Variants in ZNF536 observed in about 807,000 individuals in gnomAD.
ZNF536 encodes the protein zinc finger protein 536.
In ZNF536, 13 loss-of-function variants were observed where a neutral mutation model predicts 84.5. That is an observed-to-expected ratio of 0.15 (90% CI 0.10 to 0.24). The LOEUF (loss-of-function observed/expected upper bound fraction) is 0.24. Ranked by LOEUF, ZNF536 falls within the 10% of genes least tolerant of loss-of-function variation. The pLI is 1.00. For missense variants in ZNF536, 1,536 were observed against 1,747.5 expected (o/e 0.88, Z 2.16); for synonymous variants, 811 against 742.5 (o/e 1.09, Z -1.50).
intron 1 of ZNF536, among the ~76,000 whole-genome samples, chr19:30,251,782 C>T (rs1162694553): frequency 1.3e-5 from 2 of 152,142 alleles, no homozygotes; most frequent in African/African-American, 4.8e-5. Context: ...CATTCTTATG[C>T]CTTTGCATCC....
chr19:30,376,877 G>A (rs1008959477), intron 1 of ZNF536, among the ~76,000 whole-genome samples: 12 of 152,188 alleles, frequency 7.9e-5, no homozygotes, highest in African/African-American at 2.4e-4. Context: ...CCTTACCTTC[G>A]GGTTCATTGC....
At chr19:30,545,980 C>T (rs1359061154) in intron 3 of ZNF536, among the ~76,000 whole-genome samples, 1 of 152,246 alleles carries the variant, frequency 6.6e-6, no homozygotes. Context: ...GCCTGGCCCT[C>T]CCGCAGGGCT....
At chr19:30,251,747 C>T (rs1342236967) in intron 1 of ZNF536, among the ~76,000 whole-genome samples, 1 of 152,132 alleles carries the variant, frequency 6.6e-6, no homozygotes, top group Non-Finnish European at 1.5e-5. Flanking sequence ...ACCCTTTCCC[C>T]CTGAGTCCCC....
At chr19:30,525,519 C>T (rs1404743805) in intron 2 of ZNF536, among the ~76,000 whole-genome samples, 1 of 152,180 alleles carries the variant, frequency 6.6e-6, no homozygotes, top group Non-Finnish European at 1.5e-5. Flanking sequence ...GTGCCTGGCC[C>T]CTGTTCTCCT....
intron 2 of ZNF536, among the ~76,000 whole-genome samples, chr19:30,304,313 T>C (rs535113094): frequency 1.2e-4 from 18 of 152,326 alleles, no homozygotes; most frequent in Admixed American, 5.2e-4. Context: ...GCTCGAACCA[T>C]TGGAGCCGGG....
intron 1 of ZNF536, among the ~76,000 whole-genome samples, chr19:30,382,888 A>G (rs113344036): frequency 0.015 from 2,261 of 152,354 alleles, 16 homozygotes; most frequent in Non-Finnish European, 0.024. Flanking sequence ...AACATAAACC[A>G]GGGAGCTACT....
chr19:30,616,908 T>C (rs1600033223), intron 1 of ZNF536, among the ~76,000 whole-genome samples: 1 of 152,190 alleles, frequency 6.6e-6, no homozygotes, highest in Non-Finnish European at 1.5e-5. Flanking sequence ...CAAAAAGGCA[T>C]TAACTTAATC....
intron 1 of ZNF536, among the ~76,000 whole-genome samples, chr19:30,235,462 T>C (rs1270229504): frequency 1.3e-5 from 2 of 152,192 alleles, no homozygotes; most frequent in African/African-American, 4.8e-5. Flanking sequence ...TGTGAATTTG[T>C]TATTAAGAGG....
intron 2 of ZNF536, among the ~76,000 whole-genome samples, chr19:30,303,956 C>A (rs534668020): frequency 6.6e-6 from 1 of 152,122 alleles, no homozygotes; most frequent in African/African-American, 2.4e-5. Flanking sequence ...GCACACGTGC[C>A]AGGGAGTTAA....
intron 1 of ZNF536, among the ~76,000 whole-genome samples, chr19:30,647,510 C>T (rs960119571): frequency 2.0e-5 from 3 of 152,196 alleles, no homozygotes; most frequent in African/African-American, 7.2e-5. Context: ...AGGCTGATTT[C>T]CTTCAGAAAT....
intron 1 of ZNF536, among the ~76,000 whole-genome samples, chr19:30,625,095 T>A (rs1164655727): frequency 6.6e-6 from 1 of 152,166 alleles, no homozygotes; most frequent in African/African-American, 2.4e-5. Context: ...GAAAATGGAC[T>A]AATATACCAG....
chr19:30,679,454 G>A (rs1228197522), intron 1 of ZNF536, among the ~76,000 whole-genome samples: 1 of 152,212 alleles, frequency 6.6e-6, no homozygotes, highest in Admixed American at 6.5e-5. Context: ...GGCTTTAGCT[G>A]CTGGTGCCAG....
chr19:30,465,755 T>G (rs868127379), intron 2 of ZNF536, among the ~76,000 whole-genome samples: 4 of 151,982 alleles, frequency 2.6e-5, no homozygotes, highest in African/African-American at 9.6e-5. Context: ...ATTTTATTAT[T>G]TTATTTTATT....
chr19:30,317,591 T>C (rs1437691910), intron 2 of ZNF536, among the ~76,000 whole-genome samples: 1 of 152,198 alleles, frequency 6.6e-6, no homozygotes, highest in Non-Finnish European at 1.5e-5. Flanking sequence ...AACCCAGCCC[T>C]CACGGAGGTT....
chr19:30,647,856 G>A (rs1014381934), intron 1 of ZNF536, among the ~76,000 whole-genome samples: 1 of 152,186 alleles, frequency 6.6e-6, no homozygotes, highest in African/African-American at 2.4e-5. Context: ...CAAGCAGCAT[G>A]AAGTCTTGAG....
At chr19:30,270,223 G>A (rs996050163) in intron 1 of ZNF536, among the ~76,000 whole-genome samples, 2 of 152,120 alleles carry the variant, frequency 1.3e-5, no homozygotes, top group Admixed American at 6.5e-5. Flanking sequence ...GCATGTCCCG[G>A]GAGTGCATCT....
chr19:30,644,956 A>G (rs2147376359), intron 1 of ZNF536, among the ~76,000 whole-genome samples: 1 of 152,250 alleles, frequency 6.6e-6, no homozygotes, highest in East Asian at 1.9e-4. Context: ...GACTTCCACA[A>G]TGGTTGAACT....
intron 1 of ZNF536, among the ~76,000 whole-genome samples, chr19:30,643,348 C>T (rs957216334): frequency 6.6e-6 from 1 of 152,186 alleles, no homozygotes. Flanking sequence ...GACCCACACT[C>T]GACTTGGGAA....
At chr19:30,286,544 G>A (rs944455751) in intron 2 of ZNF536, among the ~76,000 whole-genome samples, 1 of 144,914 alleles carries the variant, frequency 6.9e-6, no homozygotes, top group Non-Finnish European at 1.5e-5. Context: ...GAGAGAGAGA[G>A]AGAAAGAGAG....
Sources: gnomAD v4.1 joint callset for allele counts (sites outside exome capture counted in the v4.1 genomes callset) on GRCh38, gnomAD v4.1.1 for gene constraint, MANE v1.5 for transcripts, NCBI Gene and HGNC (gene_info 2026-07-23, HGNC 2026-07-21) for gene names.